Variants in DIAPH3 observed in about 807,000 individuals in gnomAD.
The protein encoded by DIAPH3 is diaphanous related formin 3, also known as protein diaphanous homolog 3.
Under a neutral mutation model 144.3 loss-of-function variants are expected in DIAPH3, and 117 were observed. The ratio of observed to expected loss-of-function variants is 0.81; its 90% CI spans 0.70 to 0.95. The LOEUF is 0.95. DIAPH3 is among the 40% of genes least tolerant of loss of function. The pLI, the probability that DIAPH3 is intolerant of heterozygous loss-of-function variation, is 0.00. For synonymous variants in DIAPH3, 519 were observed against 488.9 expected, an observed-to-expected ratio of 1.06 and a Z score of -0.81; for missense variants, 1,421 against 1,412.7, an observed-to-expected ratio of 1.01 and a Z score of -0.09.
intron 17 of DIAPH3, among the ~76,000 whole-genome samples, chr13:59,937,045 C>T (rs922842858): frequency 3.3e-5 from 5 of 151,890 alleles, no homozygotes; most frequent in East Asian, 3.9e-4. Context: ...TTCCTGTTGT[C>T]GCAGCTACTC....
At chr13:59,784,484 T>G (rs2038923963) in intron 25 of DIAPH3, among the ~76,000 whole-genome samples, 1 of 152,190 alleles carries the variant, frequency 6.6e-6, no homozygotes, top group African/African-American at 2.4e-5. Flanking sequence ...CAAGTGATTC[T>G]CATGCTTCAG....
chr13:59,925,410 G>A (rs1180855608), intron 17 of DIAPH3, among the ~76,000 whole-genome samples: 1 of 152,114 alleles, frequency 6.6e-6, no homozygotes, highest in Non-Finnish European at 1.5e-5. Flanking sequence ...AATCCCATTT[G>A]ATCATACTGT....
chr13:59,869,402 G>A (rs899334830), intron 21 of DIAPH3, among the ~76,000 whole-genome samples: 5 of 152,150 alleles, frequency 3.3e-5, no homozygotes, highest in African/African-American at 9.7e-5. Flanking sequence ...CAGGAGAAAC[G>A]TGTAATGCAA....
At chr13:59,999,837 T>C (rs2052419563) in intron 9 of DIAPH3, among the ~76,000 whole-genome samples, 2 of 152,170 alleles carry the variant, frequency 1.3e-5, no homozygotes, top group African/African-American at 4.8e-5. Context: ...TCACAGGCAT[T>C]TCCTCTAGTC....
At chr13:60,017,535 T>C (rs2053740764) in intron 5 of DIAPH3, among the ~76,000 whole-genome samples, 1 of 151,918 alleles carries the variant, frequency 6.6e-6, no homozygotes, top group South Asian at 2.1e-4. Context: ...GAAAAGAGAA[T>C]AAAAACCAAA....
At position 59,992,459 on chromosome 13, in the gene DIAPH3, T is replaced by C. The variant is rs778861805; in HGVS notation, c.1125+14A>G. 1.6e-5 allele frequency: 25 copies of C among 1,592,052 alleles called. No homozygotes were observed. In the East Asian group the frequency reaches 3.4e-4, roughly 22 times the overall value. On this transcript the variant is annotated intron_variant, in intron 10 of 27. Coordinates refer to ENST00000400324, the MANE Select transcript of DIAPH3 (RefSeq NM_001042517.2). The stretch of plus-strand genomic sequence containing the variant: ...TTAATTTAAATATTAATAAGGAGAC[T>C]GCAGGGCACTTACTGGCAATATCTC...
intron 17 of DIAPH3, among the ~76,000 whole-genome samples, chr13:59,947,412 C>T (rs1177628839): frequency 2.0e-5 from 3 of 152,066 alleles, no homozygotes; most frequent in African/African-American, 7.2e-5. Flanking sequence ...TTGAAATAAA[C>T]CAATGAAAAA....
intron 4 of DIAPH3, among the ~76,000 whole-genome samples, chr13:60,083,506 T>C (rs1173085489): frequency 2.6e-5 from 4 of 152,036 alleles, no homozygotes; most frequent in Admixed American, 6.6e-5. Flanking sequence ...CCTCTAGATC[T>C]AGCTGTCTCT....
chr13:59,756,097 T>C (rs1376298647), intron 27 of DIAPH3, among the ~76,000 whole-genome samples: 3 of 152,194 alleles, frequency 2.0e-5, no homozygotes, highest in Non-Finnish European at 4.4e-5. Context: ...ATGCCTACCA[T>C]AAACCTACTG....
intron 4 of DIAPH3, among the ~76,000 whole-genome samples, chr13:60,081,740 G>A (rs1257882219): frequency 6.6e-6 from 1 of 152,028 alleles, no homozygotes; most frequent in Non-Finnish European, 1.5e-5. Flanking sequence ...AGGCAACAGA[G>A]TAGCTAATGA....
rs190686416 is a variant in DIAPH3, at chr13:59,837,252, T to G, written c.2862+2072A>C. ...TGTAGTAGCTTTCTTGTCCATGGAG[T>G]ATAATTGTACTCAGAATGAAAAATT... On this transcript the variant is annotated intron_variant, in intron 23 of 27. Coordinates refer to ENST00000400324, the MANE Select transcript of DIAPH3 (RefSeq NM_001042517.2). Among the ~76,000 whole-genome samples the G allele has an allele frequency of 3.4e-4, 52 of 152,032 alleles. No homozygotes were observed. In the East Asian group the frequency reaches 9.9e-3, roughly 29 times the overall value.
chr13:60,112,614 G>A (rs749451675), intron 2 of DIAPH3, among the ~76,000 whole-genome samples: 43 of 152,094 alleles, frequency 2.8e-4, no homozygotes, highest in Non-Finnish European at 5.3e-4. Context: ...CCTGTCTCTC[G>A]GAGTGGGGGT....
At position 59,916,265 on chromosome 13, in the gene DIAPH3, A is replaced by G. The variant is rs765909307; in HGVS notation, c.2171-16T>C. On this transcript the variant is annotated splice_polypyrimidine_tract_variant and intron_variant, in intron 18 of 27. Coordinates refer to ENST00000400324, the MANE Select transcript of DIAPH3 (RefSeq NM_001042517.2). ...AGGAAGATTGCTAAGAAGGAGAAAG[A>G]GAGAAAGGTTTATAATGAATAAGGT... The G allele has an allele frequency of 5.6e-6, 9 of 1,596,472 alleles. No homozygotes were observed. In the African/African-American group the frequency reaches 6.7e-5, roughly 12 times the overall value.
intron 5 of DIAPH3, among the ~76,000 whole-genome samples, chr13:60,019,335 G>A (rs887251006): frequency 6.6e-6 from 1 of 152,138 alleles, no homozygotes; most frequent in African/African-American, 2.4e-5. Context: ...ACTATAAACT[G>A]CATTCATGGA....
chr13:60,064,892 T>C (rs1351114274), intron 4 of DIAPH3, among the ~76,000 whole-genome samples: 1 of 152,070 alleles, frequency 6.6e-6, no homozygotes, highest in Admixed American at 6.6e-5. Flanking sequence ...TAGAAGTCAT[T>C]GTAGGGTTAT....
intron 27 of DIAPH3, among the ~76,000 whole-genome samples, chr13:59,764,753 G>A (rs976595759): frequency 6.6e-6 from 1 of 151,842 alleles, no homozygotes; most frequent in Non-Finnish European, 1.5e-5. Context: ...AATGACTAGA[G>A]CTAGGAGAGA....
At chr13:59,848,545 C>T (rs1320155215) in intron 22 of DIAPH3, among the ~76,000 whole-genome samples, 1 of 143,034 alleles carries the variant, frequency 7.0e-6, no homozygotes, top group Non-Finnish European at 1.5e-5. Flanking sequence ...CAATTCCCAC[C>T]TATGAGTGAG....
chr13:59,918,020 A>G (rs1159975589), intron 18 of DIAPH3, among the ~76,000 whole-genome samples: 1 of 151,558 alleles, frequency 6.6e-6, no homozygotes, highest in African/African-American at 2.4e-5. Context: ...CTCTCCAGTA[A>G]TTCTCCACCC....
intron 22 of DIAPH3, among the ~76,000 whole-genome samples, chr13:59,843,676 A>C (rs1478338046): frequency 6.6e-6 from 1 of 152,242 alleles, no homozygotes; most frequent in East Asian, 1.9e-4. Context: ...GTGCTTCACC[A>C]GAAGTCTCTG....
Sources: allele counts gnomAD v4.1 joint callset (sites outside exome capture counted in the v4.1 genomes callset), GRCh38; gene constraint gnomAD v4.1.1; transcripts MANE v1.5; gene names NCBI Gene and HGNC (gene_info 2026-07-23, HGNC 2026-07-21).